Variants in COL23A1 observed in about 807,000 individuals in gnomAD.
COL23A1 encodes collagen type XXIII alpha 1 chain.
COL23A1 carries 97 observed loss-of-function variants against 99.3 expected under a neutral mutation model. The ratio of observed to expected loss-of-function variants is 0.98; its 90% CI spans 0.83 to 1.16. The LOEUF (loss-of-function observed/expected upper bound fraction) is 1.16. COL23A1 is among the 50% of genes most tolerant of loss of function. The pLI, the probability that COL23A1 is intolerant of heterozygous loss-of-function variation, is 0.00. For synonymous variants in COL23A1, 320 were observed against 308.2 expected (o/e 1.04, Z -0.40); for missense variants, 762 against 757.4 (o/e 1.01, Z -0.07).
chr5:178,589,402 A>G lies in COL23A1; in HGVS notation c.294+502T>C, dbSNP rs957131671. Among the ~76,000 whole-genome samples the G allele has an allele frequency of 1.3e-5, 2 of 149,546 alleles. No homozygotes were observed. Among genetic ancestry groups the G allele is most frequent in the African/African-American group, 5.0e-5 (2 of 40,090 alleles). ...AGTCTTGGGGCCTGAGCTGCTGGAG[A>G]CACACTGGAGCACAGCGGGGCCCAG... On this transcript the variant is annotated intron_variant, in intron 1 of 28. Coordinates refer to ENST00000390654, the MANE Select transcript of COL23A1 (RefSeq NM_173465.4). This position sits in a 1 kb window ranked among gnomAD's most constrained non-coding sequence, Gnocchi z 5.4.
chr5:178,518,498 C>T (rs1215379839), intron 2 of COL23A1, among the ~76,000 whole-genome samples: 13 of 147,442 alleles, frequency 8.8e-5, no homozygotes, highest in South Asian at 6.5e-4. Flanking sequence ...CCTCACCTCC[C>T]GGACGGGGTG....
At chr5:178,500,397 A>G (rs1016317435) in intron 2 of COL23A1, among the ~76,000 whole-genome samples, 1 of 136,612 alleles carries the variant, frequency 7.3e-6, no homozygotes, top group Non-Finnish European at 1.5e-5. Flanking sequence ...AGACCAGCTT[A>G]GGCAACAAAG....
chr5:178,515,050 T>G (rs548055107), intron 2 of COL23A1, among the ~76,000 whole-genome samples: 1 of 152,260 alleles, frequency 6.6e-6, no homozygotes, highest in Non-Finnish European at 1.5e-5. Context: ...CTCAAGAAAG[T>G]TGACGCAGGT....
intron 2 of COL23A1, chr5:178,351,070 C>A: frequency 6.6e-6 from 1 of 152,392 alleles, no homozygotes; most frequent in Non-Finnish European, 1.5e-5. Context: ...AGGAAAGTCA[C>A]GCTTCGCAGC....
chr5:178,265,668 C>T (rs529195251), intron 8 of COL23A1: 23 of 985,756 alleles, frequency 2.3e-5, no homozygotes, highest in East Asian at 2.3e-4. Context: ...GAGGATCCGG[C>T]GATTGTACAG....
At chr5:178,248,095 G>T (rs1231824295) in intron 20 of COL23A1, 97 bp downstream of exon 20, 6 of 886,768 alleles carry the variant, frequency 6.8e-6, no homozygotes, top group Non-Finnish European at 1.1e-5. Context: ...CCCTGGGTTT[G>T]CTCAGGCCAG....
chr5:178,510,634 T>C (rs1037491086), intron 2 of COL23A1, among the ~76,000 whole-genome samples: 2 of 151,856 alleles, frequency 1.3e-5, no homozygotes, highest in Admixed American at 6.6e-5. Context: ...AACCTGCACA[T>C]TGTGTACATG....
chr5:178,344,918 T>C (rs1049478122), intron 2 of COL23A1: 7 of 707,444 alleles, frequency 9.9e-6, no homozygotes, highest in Non-Finnish European at 1.7e-5. Flanking sequence ...ACGTAGAGAA[T>C]TTGGGTCTCG....
intron 27 of COL23A1, among the ~76,000 whole-genome samples, chr5:178,241,726 C>T (rs1019376433): frequency 1.3e-5 from 2 of 152,236 alleles, no homozygotes; most frequent in Non-Finnish European, 2.9e-5. Context: ...CACTTCCAGC[C>T]CAAGATGGCC....
rs1333543395 is a variant in COL23A1, at chr5:178,365,600, T to C, written c.362-58681A>G. On this transcript the variant is annotated intron_variant, in intron 2 of 28. Coordinates refer to ENST00000390654, the MANE Select transcript of COL23A1 (RefSeq NM_173465.4). The surrounding 1 kb of genome is among the most constrained non-coding windows in gnomAD (Gnocchi z 5.2). ...TGGCTGCTTCCTGGTCTCTACCACATGCCCCAGCCTCACCCCACGGCCCGC... is the reference window on the plus strand; with the variant it reads ...TGGCTGCTTCCTGGTCTCTACCACACGCCCCAGCCTCACCCCACGGCCCGC... 6.6e-6 allele frequency among the ~76,000 whole-genome samples: 1 copy of C among 152,156 alleles called. No individual in the cohort carries two copies. The highest frequency in any genetic ancestry group is 2.4e-5 in the African/African-American group (1 of 41,444).
chr5:178,237,622 C>T lies in COL23A1; in HGVS notation c.*1076G>A, dbSNP rs149571549. 548 of 152,832 alleles carry T rather than the reference C, an allele frequency of 3.6e-3. 1 individual carries two copies. Among genetic ancestry groups the T allele is most frequent in the Non-Finnish European group, 5.7e-3 (390 of 68,076 alleles). 9.5% of individuals were successfully genotyped at this position (152,832 alleles called of 1,614,324 possible). A position where few individuals can be genotyped will look rare whatever the true frequency, so the allele number is the denominator to read the frequency against. On this transcript the variant is annotated 3_prime_UTR_variant, in exon 29 of 29. Coordinates refer to ENST00000390654, the MANE Select transcript of COL23A1 (RefSeq NM_173465.4). Reference sequence around the variant, plus strand: ...CCACAAGGACAGGCACACCCAGACACGCACTTGTGGTTTATTACACACAGT... The same window carrying T: ...CCACAAGGACAGGCACACCCAGACATGCACTTGTGGTTTATTACACACAGT...
At chr5:178,318,629 C>T (rs924369441) in intron 2 of COL23A1, among the ~76,000 whole-genome samples, 6 of 152,186 alleles carry the variant, frequency 3.9e-5, no homozygotes, top group Non-Finnish European at 7.3e-5. Flanking sequence ...CGGCCGGGCG[C>T]GGTGGCTCAC....
chr5:178,353,862 C>T (rs992946139), intron 2 of COL23A1, among the ~76,000 whole-genome samples: 13 of 151,546 alleles, frequency 8.6e-5, no homozygotes, highest in East Asian at 3.9e-4. Context: ...ACATTCCATG[C>T]GGGAGACAAA....
At chr5:178,566,555 C>T (rs984841611) in intron 1 of COL23A1, among the ~76,000 whole-genome samples, 2 of 152,088 alleles carry the variant, frequency 1.3e-5, no homozygotes, top group Non-Finnish European at 2.9e-5. Context: ...GTGGCTCGCG[C>T]CTGTAATCCC....
At chr5:178,319,602 C>T (rs1242102281) in intron 2 of COL23A1, among the ~76,000 whole-genome samples, 4 of 152,182 alleles carry the variant, frequency 2.6e-5, no homozygotes, top group Non-Finnish European at 5.9e-5. Flanking sequence ...ATGCGCCGTC[C>T]GCTCCCAGCC....
In COL23A1 at chr5:178,560,747, TTC is replaced by T; in HGVS notation, c.295-1_295del. ...CCGGATCTTCGCTAGTCCGTCCAAC[TTC>T]TGAGCCGGAAAAAAAAAAAGAAAAA... On this transcript the variant is annotated splice_acceptor_variant and coding_sequence_variant, in exon 2 of 29. Transcript: ENST00000390654. LOFTEE classifies it high-confidence loss of function. 1 of 1,608,824 alleles carries T rather than the reference TTC, an allele frequency of 6.2e-7. No individual in the cohort carries two copies. The highest frequency in any genetic ancestry group is 8.5e-7 in the Non-Finnish European group (1 of 1,178,490).
At chr5:178,517,922 A>C (rs1441927051) in intron 2 of COL23A1, among the ~76,000 whole-genome samples, 3 of 102,526 alleles carry the variant, frequency 2.9e-5, no homozygotes, top group South Asian at 6.6e-4. Flanking sequence ...TTTTATTGAT[A>C]ATTCTTGGGT....
intron 2 of COL23A1, among the ~76,000 whole-genome samples, chr5:178,491,376 G>A (rs1332906200): frequency 2.0e-5 from 3 of 152,094 alleles, no homozygotes; most frequent in East Asian, 1.9e-4. Context: ...CCCCTCCCAC[G>A]TGAGCTCACT....
intron 2 of COL23A1, among the ~76,000 whole-genome samples, chr5:178,515,411 G>A (rs1240420471): frequency 2.0e-5 from 3 of 152,218 alleles, no homozygotes; most frequent in African/African-American, 7.2e-5. Context: ...CACTGCAGAG[G>A]TTTCCACGGG....
Sources: allele counts gnomAD v4.1 joint callset (sites outside exome capture counted in the v4.1 genomes callset), GRCh38; gene constraint gnomAD v4.1.1; non-coding constraint Gnocchi (gnomAD v3.1); transcripts MANE v1.5; gene names NCBI Gene and HGNC (gene_info 2026-07-23, HGNC 2026-07-21).